CNBD1: variants seen among roughly 807,000 people sequenced by gnomAD.
CNBD1 encodes cyclic nucleotide-binding domain-containing protein 1.
In CNBD1, 71 loss-of-function variants were observed where a neutral mutation model predicts 54.4. The ratio of observed to expected loss-of-function variants is 1.30; its 90% CI spans 1.08 to 1.59. The LOEUF (loss-of-function observed/expected upper bound fraction) is 1.59, where lower values mean the gene tolerates loss of function less well. Among genes scored for constraint, CNBD1 ranks in the 40% most tolerant of loss-of-function variants. CNBD1 has a pLI of 0.00. For missense variants in CNBD1, 659 were observed against 518.0 expected (o/e 1.27, Z -2.64); for synonymous variants, 182 against 170.7 (o/e 1.07, Z -0.51).
At chr8:87,030,792 G>T (rs1809764602) in intron 4 of CNBD1, among the ~76,000 whole-genome samples, 1 of 151,484 alleles carries the variant, frequency 6.6e-6, no homozygotes, top group African/African-American at 2.4e-5. Flanking sequence ...GTTCAAGGCA[G>T]AAAGGGAAAG....
At chr8:87,321,460 C>A (rs1468787443) in intron 8 of CNBD1, among the ~76,000 whole-genome samples, 6 of 152,148 alleles carry the variant, frequency 3.9e-5, no homozygotes, top group Admixed American at 3.9e-4. Context: ...TACTGAACAT[C>A]TTTTCTTATA....
intron 8 of CNBD1, among the ~76,000 whole-genome samples, chr8:87,301,505 C>T (rs1156964155): frequency 1.3e-5 from 2 of 152,022 alleles, no homozygotes; most frequent in African/African-American, 2.4e-5. Flanking sequence ...GCCATGATAA[C>T]GTGGGTTTCA....
chr8:86,951,181 T>A (rs1440320103), intron 4 of CNBD1, among the ~76,000 whole-genome samples: 3 of 152,186 alleles, frequency 2.0e-5, no homozygotes, highest in African/African-American at 7.2e-5. Context: ...AAAGAAAAAT[T>A]ATTAAATTCG....
At chr8:87,361,079 G>C (rs1810515881) in intron 10 of CNBD1, among the ~76,000 whole-genome samples, 1 of 151,866 alleles carries the variant, frequency 6.6e-6, no homozygotes, top group African/African-American at 2.4e-5. Context: ...GTTTGCCACA[G>C]GGAATACACG....
chr8:87,339,372 C>A (rs533306975), intron 8 of CNBD1, among the ~76,000 whole-genome samples: 3 of 152,042 alleles, frequency 2.0e-5, no homozygotes, highest in African/African-American at 4.8e-5. Context: ...GGTTTCCCTA[C>A]GCTCGCGTCA....
At chr8:87,404,298 A>T (rs1004070524) in intron 2 of CNBD1, among the ~76,000 whole-genome samples, 6 of 152,096 alleles carry the variant, frequency 3.9e-5, no homozygotes, top group African/African-American at 1.2e-4. Context: ...AAACTGTAAC[A>T]ATTCCAAAAG....
intron 10 of CNBD1, among the ~76,000 whole-genome samples, chr8:87,367,512 G>C (rs1257880323): frequency 1.3e-5 from 2 of 152,004 alleles, no homozygotes; most frequent in African/African-American, 2.4e-5. Flanking sequence ...TGAAGGACTT[G>C]CTTTCTGCTT....
chr8:87,400,579 T>A (rs1166701391), intron 2 of CNBD1, among the ~76,000 whole-genome samples: 1 of 151,984 alleles, frequency 6.6e-6, no homozygotes, highest in Non-Finnish European at 1.5e-5. Flanking sequence ...CACAAGGAAC[T>A]AACAAAAGAA....
chr8:87,343,479 C>T (rs1810109348), intron 8 of CNBD1, among the ~76,000 whole-genome samples: 2 of 152,304 alleles, frequency 1.3e-5, no homozygotes, highest in South Asian at 2.1e-4. Context: ...TCTGCCATGG[C>T]TTCAGCCGGT....
rs554270378 is a variant in CNBD1 at position 87,375,543 on chromosome 8, T to G, written c.1304-7077T>G. On this transcript the variant is annotated intron_variant, in intron 10 of 10. Transcript: ENST00000518476. ...GAAGCCATAGCATTCCTTATAAGTT[T>G]TTATATATAGTTTAGGTATCACACA... 1.4e-3 allele frequency among the ~76,000 whole-genome samples: 207 copies of G among 151,906 alleles called. 2 individuals carry two copies. Among genetic ancestry groups the G allele is most frequent in the Non-Finnish European group, 2.0e-3 (134 of 67,874 alleles).
At chr8:87,328,998 A>C (rs901634444) in intron 8 of CNBD1, among the ~76,000 whole-genome samples, 1 of 152,044 alleles carries the variant, frequency 6.6e-6, no homozygotes, top group African/African-American at 2.4e-5. Flanking sequence ...TCTATCTTCT[A>C]GGAGTTATTC....
chr8:87,165,557 C>T (rs573484862), intron 4 of CNBD1, among the ~76,000 whole-genome samples: 1 of 152,082 alleles, frequency 6.6e-6, no homozygotes, highest in East Asian at 1.9e-4. Flanking sequence ...TTGCTTGTTA[C>T]AAGCGCAGCC....
At chr8:87,189,970 C>A (rs1481307063) in intron 4 of CNBD1, among the ~76,000 whole-genome samples, 1 of 152,010 alleles carries the variant, frequency 6.6e-6, no homozygotes, top group Non-Finnish European at 1.5e-5. Context: ...AAAAGGGATA[C>A]ATAGAAAAAA....
chr8:87,085,477 G>A (rs1012062811), intron 4 of CNBD1, among the ~76,000 whole-genome samples: 1 of 151,962 alleles, frequency 6.6e-6, no homozygotes, highest in Non-Finnish European at 1.5e-5. Context: ...TCTTTGTTCA[G>A]TTTTTATCAT....
rs554105585 is a variant in CNBD1, at chr8:87,129,784, T to C, written c.432-76209T>C. Among the ~76,000 whole-genome samples the C allele has an allele frequency of 4.6e-5, 7 of 152,354 alleles. No homozygotes were observed. The East Asian group carries it at 9.6e-4, about 21-fold the overall frequency. On this transcript the variant is annotated intron_variant, in intron 4 of 10. Transcript: ENST00000518476. ...TTTAAACATTTCTCTCTCTCTTTTT[T>C]GTTTTTTTGACCCATGGATATTTTG... is the stretch of plus-strand genomic sequence containing the variant.
chr8:87,146,727 A>G (rs1812498372), intron 4 of CNBD1, among the ~76,000 whole-genome samples: 1 of 152,050 alleles, frequency 6.6e-6, no homozygotes, highest in East Asian at 1.9e-4. Flanking sequence ...CAAACAAACA[A>G]TGTCTTGAAT....
In CNBD1 at chr8:87,321,751, C is replaced by T. The variant is rs142954707; in HGVS notation, c.1043-29934C>T. Among the ~76,000 whole-genome samples the T allele has an allele frequency of 2.6e-3, 388 of 151,290 alleles. 2 individuals carry two copies. Among genetic ancestry groups the T allele is most frequent in the South Asian group, 8.8e-3 (42 of 4,786 alleles). On this transcript the variant is annotated intron_variant, in intron 8 of 10. Coordinates refer to ENST00000518476, the MANE Select transcript of CNBD1 (RefSeq NM_173538.3). ...GTGCCTGTGCTTTTGGTGTCGTATC[C>T]AAGAAATCATTGCCAAGACCAATGT...
chr8:87,228,697 T>A (rs1230068971), intron 5 of CNBD1, among the ~76,000 whole-genome samples: 1 of 151,820 alleles, frequency 6.6e-6, no homozygotes, highest in Non-Finnish European at 1.5e-5. Flanking sequence ...TCTTTTTGTT[T>A]GTCTGTGCCC....
At chr8:87,385,114 T>A (rs1586069120), downstream of CNBD1, among the ~76,000 whole-genome samples, 1 of 152,060 alleles carries the variant, frequency 6.6e-6, no homozygotes, top group Non-Finnish European at 1.5e-5. Flanking sequence ...CATTAAAAAG[T>A]CCATGTAAAA....
Sources: allele counts gnomAD v4.1 joint callset (sites outside exome capture counted in the v4.1 genomes callset), GRCh38; gene constraint gnomAD v4.1.1; transcripts MANE v1.5; gene names NCBI Gene and HGNC (gene_info 2026-07-23, HGNC 2026-07-21).